ARHGAP25: variants seen among roughly 807,000 people sequenced by gnomAD.
ARHGAP25 encodes the protein Rho GTPase activating protein 25.
Under a neutral mutation model 71.0 loss-of-function variants are expected in ARHGAP25, and 34 were observed. The ratio of observed to expected loss-of-function variants is 0.48; its 90% CI spans 0.36 to 0.64. The LOEUF (loss-of-function observed/expected upper bound fraction) is 0.64. Among genes scored for constraint, ARHGAP25 ranks in the 30% least tolerant of loss-of-function variants. The pLI is 0.00. For synonymous variants in ARHGAP25, 282 were observed against 296.5 expected, an observed-to-expected ratio of 0.95 and a Z score of 0.50; for missense variants, 706 against 805.1, an observed-to-expected ratio of 0.88 and a Z score of 1.49.
intron 2 of ARHGAP25, among the ~76,000 whole-genome samples, chr2:68,723,768 C>A (rs1240560925): frequency 1.3e-5 from 2 of 152,154 alleles, no homozygotes; most frequent in Non-Finnish European, 2.9e-5. Context: ...CCAGGCCCTT[C>A]AGGGTGGTTT....
chr2:68,800,021 A>C (rs1407267967), intron 4 of ARHGAP25, among the ~76,000 whole-genome samples: 2 of 152,146 alleles, frequency 1.3e-5, no homozygotes, highest in African/African-American at 4.8e-5. Flanking sequence ...TTCAGGAGGA[A>C]AACCCCCAAG....
At chr2:68,787,729 G>T in intron 3 of ARHGAP25, 111 bp from the exon 4 acceptor site, 1 of 816,086 alleles carries the variant, frequency 1.2e-6, no homozygotes, top group Non-Finnish European at 2.1e-6. Context: ...TGTTTGGCTG[G>T]TAGTGCTTCA....
chr2:68,804,448 T>A (rs1044473943), intron 4 of ARHGAP25, among the ~76,000 whole-genome samples: 1 of 152,220 alleles, frequency 6.6e-6, no homozygotes, highest in Non-Finnish European at 1.5e-5. Context: ...TTCAATCATG[T>A]CCTATCAATT....
chr2:68,737,091 C>A (rs13398622), intron 1 of ARHGAP25, among the ~76,000 whole-genome samples: 29 of 151,942 alleles, frequency 1.9e-4, no homozygotes, highest in Admixed American at 1.2e-3. Flanking sequence ...TACAGAGGAG[C>A]CCTTGTCATT....
At chr2:68,734,561 G>T (rs376099199), upstream of ARHGAP25, among the ~76,000 whole-genome samples, 1 of 152,308 alleles carries the variant, frequency 6.6e-6, no homozygotes, top group African/African-American at 2.4e-5. Context: ...GATCCGTTAG[G>T]TGAGGAAGAG....
intron 1 of ARHGAP25, among the ~76,000 whole-genome samples, chr2:68,754,022 C>T (rs1319340673): frequency 1.3e-5 from 2 of 152,030 alleles, no homozygotes; most frequent in African/African-American, 2.4e-5. Context: ...CCTGCCTCAG[C>T]CTCCCAAGCA....
intron 1 of ARHGAP25, among the ~76,000 whole-genome samples, chr2:68,751,363 C>A (rs970994905): frequency 6.6e-6 from 1 of 152,158 alleles, no homozygotes; most frequent in Non-Finnish European, 1.5e-5. Context: ...AACAAGGAAC[C>A]AATTTTAAGG....
chr2:68,772,922 C>G (rs75326767), intron 1 of ARHGAP25, among the ~76,000 whole-genome samples: 1,828 of 152,332 alleles, frequency 0.012, 17 homozygotes, highest in Non-Finnish European at 0.019. Flanking sequence ...ATCAAATTAT[C>G]TTTTCTACAT....
At position 68,816,162 on chromosome 2, in the gene ARHGAP25, G is replaced by C. The variant is rs543014900; in HGVS notation, c.808-127G>C. On this transcript the variant is annotated intron_variant, in intron 6 of 10. Coordinates refer to ENST00000409202, the MANE Select transcript of ARHGAP25 (RefSeq NM_001007231.3). ...TTTTTTTAAACCCACAGAACTACAG[G>C]AACAGGAATGACTGCCAAAGTGTTG... The C allele has an allele frequency of 2.5e-5, 20 of 801,824 alleles. 1 individual carries two copies. Among genetic ancestry groups the C allele is most frequent in the Middle Eastern group, 4.4e-4 (2 of 4,508 alleles). 49.7% of individuals were successfully genotyped at this position (801,824 alleles called of 1,614,324 possible).
chr2:68,734,288 C>T (rs1408273798), upstream of ARHGAP25, among the ~76,000 whole-genome samples: 3 of 152,180 alleles, frequency 2.0e-5, no homozygotes, highest in African/African-American at 7.2e-5. Flanking sequence ...ACCATGTATA[C>T]AGCCCACACA....
chr2:68,721,132 A>G (rs1401454018), intron 2 of ARHGAP25, among the ~76,000 whole-genome samples: 2 of 152,236 alleles, frequency 1.3e-5, no homozygotes, highest in Admixed American at 6.5e-5. Flanking sequence ...ATAAAAATGT[A>G]CACAAGTTTT....
At position 68,826,659 on chromosome 2, in the gene ARHGAP25, G is replaced by A; in HGVS notation, c.*465G>A. On this transcript the variant is annotated 3_prime_UTR_variant, in exon 11 of 11. Transcript: ENST00000409202. ...CCTCATCCATGGAGTGCTGTGTTTG[G>A]GGGGCTGCATCTGCTGAAGCGAGAA... The A allele has an allele frequency of 4.1e-6, 1 of 246,230 alleles. No homozygotes were observed. Among genetic ancestry groups the A allele is most frequent in the Non-Finnish European group, 8.2e-6 (1 of 122,460 alleles). The allele number at this position is 246,230 out of a possible 1,614,324, so 15.3% of individuals were successfully genotyped here.
At chr2:68,751,801 A>T (rs1007377235) in intron 1 of ARHGAP25, among the ~76,000 whole-genome samples, 3 of 152,224 alleles carry the variant, frequency 2.0e-5, no homozygotes, top group Non-Finnish European at 4.4e-5. Flanking sequence ...GTCTGGACCA[A>T]TCCAAGAGCG....
At chr2:68,785,796 G>C (rs1678718298) in intron 3 of ARHGAP25, among the ~76,000 whole-genome samples, 1 of 152,122 alleles carries the variant, frequency 6.6e-6, no homozygotes, top group Admixed American at 6.5e-5. Flanking sequence ...AAGAAAAGAA[G>C]AGAGGTCCAT....
upstream of ARHGAP25, among the ~76,000 whole-genome samples, chr2:68,729,847 TAA>T (rs1674973443): frequency 6.6e-6 from 1 of 152,258 alleles, no homozygotes; most frequent in Non-Finnish European, 1.5e-5. Context: ...AACCTTAGTA[TAA>T]GTATATTCTT....
rs905968867 is a variant in ARHGAP25 at position 68,800,878 on chromosome 2, A to T, written c.467-6395A>T. Among the ~76,000 whole-genome samples the T allele has an allele frequency of 3.9e-4, 59 of 152,066 alleles. 1 individual carries two copies. The highest frequency in any genetic ancestry group is 1.4e-3 in the African/African-American group (59 of 41,404). On this transcript the variant is annotated intron_variant, in intron 4 of 10. Transcript: ENST00000409202. ...ATAATTATCATATTACATATATTAT[A>T]ATTACATTATGGTAATTATATTACT...
chr2:68,741,586 A>G (rs1307241260), intron 1 of ARHGAP25, among the ~76,000 whole-genome samples: 3 of 152,186 alleles, frequency 2.0e-5, no homozygotes, highest in Non-Finnish European at 4.4e-5. Flanking sequence ...ATTTAAAAAT[A>G]TAGATGGGGG....
chr2:68,735,299 C>T (rs371561793), intron 1 of ARHGAP25, 39 bp downstream of exon 1: 12 of 1,586,500 alleles, frequency 7.6e-6, no homozygotes, highest in Middle Eastern at 1.7e-4. Flanking sequence ...GTGATTCTTA[C>T]GTATACTCGA....
chr2:68,726,908 C>CTT (rs11403504), intron 2 of ARHGAP25, among the ~76,000 whole-genome samples: 16 of 150,674 alleles, frequency 1.1e-4, no homozygotes, highest in South Asian at 4.2e-4. Flanking sequence ...TTGCACAAAT[C>CTT]TTTTTTTTTT....
Sources: gnomAD v4.1 joint callset for allele counts (sites outside exome capture counted in the v4.1 genomes callset) on GRCh38, gnomAD v4.1.1 for gene constraint, MANE v1.5 for transcripts, NCBI Gene and HGNC (gene_info 2026-07-23, HGNC 2026-07-21) for gene names.